BAG3: variants seen among roughly 807,000 people sequenced by gnomAD.
BAG3 encodes the protein BAG cochaperone 3, also known as BAG family molecular chaperone regulator 3.
BAG3 carries 14 observed loss-of-function variants against 40.5 expected under a neutral mutation model. The observed-to-expected ratio is 0.35, with a 90% CI of 0.23 to 0.54. The LOEUF (loss-of-function observed/expected upper bound fraction) is 0.54, where lower values mean the gene tolerates loss of function less well. Among genes scored for constraint, BAG3 ranks in the 20% least tolerant of loss-of-function variants. BAG3 has a pLI of 0.91. For missense variants in BAG3, 788 were observed against 758.6 expected, an observed-to-expected ratio of 1.04 and a Z score of -0.46; for synonymous variants, 302 against 307.8, an observed-to-expected ratio of 0.98 and a Z score of 0.20.
chr10:119,671,386 C>T (rs1847147956), intron 2 of BAG3, among the ~76,000 whole-genome samples: 1 of 152,212 alleles, frequency 6.6e-6, no homozygotes, highest in Non-Finnish European at 1.5e-5. Context: ...TGCGAGACAT[C>T]TTCACAAATT....
intron 1 of BAG3, among the ~76,000 whole-genome samples, chr10:119,655,616 G>T (rs969826421): frequency 3.3e-5 from 5 of 152,192 alleles, no homozygotes; most frequent in Admixed American, 3.3e-4. Context: ...CAGGAAATGA[G>T]TGGCCGTTCT....
chr10:119,656,378 C>CTTT (rs34602155), intron 1 of BAG3, among the ~76,000 whole-genome samples: 17 of 126,864 alleles, frequency 1.3e-4, no homozygotes, highest in Admixed American at 1.7e-4. Flanking sequence ...AGCTGGCCTT[C>CTTT]TTTTTTTTTT....
Position 119,675,919 on chromosome 10 carries a change from TCCTC to T in BAG3, c.910-533_910-530del, listed in dbSNP as rs762367884. ...TTCCTTCCCCCCTTCCTTCCTTCCTTCCTCCCTCCCTCCCTTCCTTCTTTGAGAC... is the reference window on the plus strand; with the variant it reads ...TTCCTTCCCCCCTTCCTTCCTTCCTTCCTCCCTCCCTTCCTTCTTTGAGAC... On this transcript the variant is annotated intron_variant, in intron 3 of 3. Transcript: ENST00000369085. Among the ~76,000 whole-genome samples, 4 of 10,134 alleles carry T rather than the reference TCCTC, an allele frequency of 3.9e-4. 1 individual carries two copies. The highest frequency in any genetic ancestry group is 0.018 in the South Asian group (2 of 114). 6.6% of individuals were successfully genotyped at this position (10,134 alleles called of 152,430 possible).
chr10:119,665,092 T>TCTGTGTGTGTGTGTG (rs34372634), intron 1 of BAG3, among the ~76,000 whole-genome samples: 1 of 87,970 alleles, frequency 1.1e-5, no homozygotes, highest in Non-Finnish European at 2.3e-5. Context: ...TAATTTTTGT[T>TCTGTGTGTGTGTGTG]TGTGTGTGTG....
At position 119,677,370 on chromosome 10, in the gene BAG3, GGTTTTTATTAGCT is replaced by G; in HGVS notation, c.*90_*102del. ...GCATTTCAGAGACTTTAAGTCAGTT[GGTTTTTATTAGCT>G]GCTTGGTATGCAGTAACTTGGGTGG... On this transcript the variant is annotated 3_prime_UTR_variant, in exon 4 of 4. Transcript: ENST00000369085. 6.5e-6 allele frequency: 10 copies of G among 1,546,488 alleles called. 1 individual carries two copies. The South Asian group carries it at 1.0e-4, about 16-fold the overall frequency.
intron 1 of BAG3, among the ~76,000 whole-genome samples, chr10:119,657,942 A>G (rs1272398622): frequency 6.6e-6 from 1 of 152,214 alleles, no homozygotes; most frequent in African/African-American, 2.4e-5. Flanking sequence ...TCAATTCAGA[A>G]AAGCCTAGAA....
intron 1 of BAG3, among the ~76,000 whole-genome samples, chr10:119,666,439 A>T (rs1016308926): frequency 6.6e-6 from 1 of 152,250 alleles, no homozygotes; most frequent in Non-Finnish European, 1.5e-5. Context: ...TATTGGCTCC[A>T]GCAAGCAGTC....
intron 1 of BAG3, among the ~76,000 whole-genome samples, chr10:119,665,303 AT>A (rs375034445): frequency 2.0e-5 from 3 of 147,348 alleles, no homozygotes; most frequent in Non-Finnish European, 1.5e-5. Flanking sequence ...TGCCCAGCTA[AT>A]TTTTTTTTTG....
chr10:119,676,588 A>T lies in BAG3; in HGVS notation c.1034A>T (p.Glu345Val), dbSNP rs189646603. 5 of 1,614,122 alleles carry T rather than the reference A, an allele frequency of 3.1e-6. No homozygotes were observed. The highest frequency in any genetic ancestry group is 1.1e-5 in the South Asian group (1 of 91,082). ...GHIPIQVIRKEVDSKPVSQKP... is the reference protein window; with the variant it reads ...GHIPIQVIRKVVDSKPVSQKP... ...ATCCCAATTCAAGTGATCCGCAAAG[A>T]GGTGGATTCTAAACCTGTTTCCCAG... is the stretch of plus-strand genomic sequence containing the variant. Residue 345 changes from glutamate (E) to valine (V), a missense_variant, in exon 4 of 4, where the codon GAG becomes GTG. Coordinates refer to ENST00000369085, the MANE Select transcript of BAG3 (RefSeq NM_004281.4).
intron 1 of BAG3, among the ~76,000 whole-genome samples, chr10:119,665,434 C>T (rs1847051160): frequency 6.6e-6 from 1 of 151,998 alleles, no homozygotes; most frequent in Admixed American, 6.6e-5. Flanking sequence ...GCCACCGCGC[C>T]CAGCCTAATT....
chr10:119,672,346 A>G lies in BAG3; in HGVS notation c.599A>G (p.Gln200Arg), dbSNP rs1212097826. Residue 200 changes from glutamine to arginine, a missense_variant, in exon 3 of 4, where the codon CAG becomes CGG. Transcript: ENST00000369085. The surrounding 1 kb of genome is among the most constrained non-coding windows in gnomAD (Gnocchi z 4.8). The stretch of plus-strand genomic sequence containing the variant: ...GGCAGGAGCAGCCTGGGCAGTCACC[A>G]GCTCCCGCGGGGGTACATCTCCATT... ...SSGRSSLGSHQLPRGYISIPV... is the reference protein window; with the variant it reads ...SSGRSSLGSHRLPRGYISIPV... 1 of 1,613,910 alleles carries G rather than the reference A, an allele frequency of 6.2e-7. No individual in the cohort carries two copies. The highest frequency in any genetic ancestry group is 8.5e-7 in the Non-Finnish European group (1 of 1,179,952).
Position 119,672,889 on chromosome 10 carries a change from G to A in BAG3, c.909+233G>A, listed in dbSNP as rs745920547. Among the ~76,000 whole-genome samples the A allele has an allele frequency of 6.6e-6, 1 of 152,122 alleles. No homozygotes were observed. Among genetic ancestry groups the A allele is most frequent in the African/African-American group, 2.4e-5 (1 of 41,404 alleles). Reference sequence around the variant, plus strand: ...TGCTGGGCTGATCATTGTGCATTGCGGCTGACTTAGAGCAGACGAAACAGC... The same window carrying A: ...TGCTGGGCTGATCATTGTGCATTGCAGCTGACTTAGAGCAGACGAAACAGC... On this transcript the variant is annotated intron_variant, in intron 3 of 3. Coordinates refer to ENST00000369085, the MANE Select transcript of BAG3 (RefSeq NM_004281.4). This position sits in a 1 kb window ranked among gnomAD's most constrained non-coding sequence, Gnocchi z 4.8.
rs145834273 is a variant in BAG3, at chr10:119,668,086, T to A, written c.181-1765T>A. ...CTGAGAGTTAAGCAGGCTAATGTAATGCCGCCGCCCTGAGCACGTGGCTGT... is the reference window on the plus strand; with the variant it reads ...CTGAGAGTTAAGCAGGCTAATGTAAAGCCGCCGCCCTGAGCACGTGGCTGT... On this transcript the variant is annotated intron_variant, in intron 1 of 3. Transcript: ENST00000369085. Among the ~76,000 whole-genome samples the A allele has an allele frequency of 3.3e-5, 5 of 152,324 alleles. No homozygotes were observed. In the East Asian group the frequency reaches 5.8e-4, roughly 18 times the overall value.
chr10:119,652,366 C>T (rs912183460), intron 1 of BAG3, among the ~76,000 whole-genome samples: 1 of 152,230 alleles, frequency 6.6e-6, no homozygotes, highest in African/African-American at 2.4e-5. Flanking sequence ...AGTTCTCCAA[C>T]TTGGTTGAGG....
chr10:119,666,468 T>A (rs562165159), intron 1 of BAG3, among the ~76,000 whole-genome samples: 2 of 152,396 alleles, frequency 1.3e-5, no homozygotes, highest in Non-Finnish European at 2.9e-5. Context: ...CACAGTCTTG[T>A]GTGCAGACAG....
chr10:119,668,809 C>T (rs76040550), intron 1 of BAG3, among the ~76,000 whole-genome samples: 2,807 of 152,352 alleles, frequency 0.018, 38 homozygotes, highest in Non-Finnish European at 0.031. Context: ...TGTTAAAGCA[C>T]AGTCAGGAAG....
chr10:119,676,559 A>G lies in BAG3; in HGVS notation c.1005A>G (p.Gly335=). The change falls in exon 4 of 4, where the codon GGA becomes GGG. Residue 335 remains glycine (G), a synonymous_variant. Coordinates refer to ENST00000369085, the MANE Select transcript of BAG3 (RefSeq NM_004281.4). ...CAGTTGGACCAGAACTCCCTCCTGG[A>G]CACATCCCAATTCAAGTGATCCGCA... The part of the protein sequence containing the change: ...PGPVGPELPP[G]HIPIQVIRKE... 1.2e-6 allele frequency: 2 copies of G among 1,614,018 alleles called. No individual in the cohort carries two copies. Among genetic ancestry groups the G allele is most frequent in the Non-Finnish European group, 1.7e-6 (2 of 1,180,012 alleles).
chr10:119,653,226 G>T (rs1373583123), intron 1 of BAG3, among the ~76,000 whole-genome samples: 1 of 152,208 alleles, frequency 6.6e-6, no homozygotes, highest in East Asian at 1.9e-4. Context: ...ATTAGTACAA[G>T]AGGCTGTAAT....
intron 1 of BAG3, among the ~76,000 whole-genome samples, chr10:119,667,816 G>A (rs1029935609): frequency 2.0e-5 from 3 of 152,166 alleles, no homozygotes; most frequent in African/African-American, 7.2e-5. Context: ...GCGTGGCTGG[G>A]AAGAAACAAT....
Sources: gnomAD v4.1 joint callset for allele counts (sites outside exome capture counted in the v4.1 genomes callset) on GRCh38, gnomAD v4.1.1 for gene constraint, Gnocchi (gnomAD v3.1) non-coding constraint, MANE v1.5 for transcripts, NCBI Gene and HGNC (gene_info 2026-07-23, HGNC 2026-07-21) for gene names.